TMEM178B: variants seen among roughly 807,000 people sequenced by gnomAD.
The protein encoded by TMEM178B is transmembrane protein 178B.
In TMEM178B, 5 loss-of-function variants were observed where a neutral mutation model predicts 31.0. The observed-to-expected ratio is 0.16, with a 90% CI of 0.08 to 0.34. The LOEUF (loss-of-function observed/expected upper bound fraction) is 0.34, where lower values mean the gene tolerates loss of function less well. Ranked by LOEUF, TMEM178B falls within the 10% of genes least tolerant of loss-of-function variation. The pLI, the probability that TMEM178B is intolerant of heterozygous loss-of-function variation, is 1.00. For synonymous variants in TMEM178B, 164 were observed against 164.0 expected (o/e 1.00, Z 0.00); for missense variants, 275 against 400.3 (o/e 0.69, Z 2.67).
chr7:141,438,200 C>T (rs1037837323), intron 3 of TMEM178B, among the ~76,000 whole-genome samples: 6 of 152,248 alleles, frequency 3.9e-5, no homozygotes, highest in African/African-American at 1.4e-4. Context: ...GATCCTGAAG[C>T]TGCCCCCCTT....
intron 2 of TMEM178B, among the ~76,000 whole-genome samples, chr7:141,261,080 G>A (rs1272768345): frequency 1.3e-5 from 2 of 152,198 alleles, no homozygotes; most frequent in African/African-American, 4.8e-5. Context: ...TCTCAATGCA[G>A]TATATTTCTG....
Position 141,233,780 on chromosome 7 carries a change from C to G in TMEM178B, c.496+21076C>G, listed in dbSNP as rs189169690. 2.0e-5 allele frequency among the ~76,000 whole-genome samples: 3 copies of G among 152,342 alleles called. No homozygotes were observed. The East Asian group carries it at 5.8e-4, about 29-fold the overall frequency. ...GTACTTCTCCCTTTTGCAAAACTGG[C>G]AATGCCAAGTTCGACCTCTTTGACT... On this transcript the variant is annotated intron_variant, in intron 2 of 3. Coordinates refer to ENST00000565468, the MANE Select transcript of TMEM178B (RefSeq NM_001195278.2).
intron 2 of TMEM178B, among the ~76,000 whole-genome samples, chr7:141,409,007 G>A (rs1207679221): frequency 1.3e-5 from 2 of 152,116 alleles, no homozygotes; most frequent in African/African-American, 4.8e-5. Context: ...AAAAGGCCAG[G>A]GGGCAAAACA....
intron 2 of TMEM178B, among the ~76,000 whole-genome samples, chr7:141,259,434 T>C (rs1797980017): frequency 6.6e-6 from 1 of 152,234 alleles, no homozygotes; most frequent in African/African-American, 2.4e-5. Flanking sequence ...AGAACCTGTT[T>C]AGAGTCATTT....
chr7:141,236,099 C>G (rs749896138), intron 2 of TMEM178B, among the ~76,000 whole-genome samples: 2 of 152,212 alleles, frequency 1.3e-5, no homozygotes, highest in Non-Finnish European at 2.9e-5. Context: ...TCCAAATGTT[C>G]TCTGAGATGC....
At chr7:141,376,001 C>T (rs910821327) in intron 2 of TMEM178B, among the ~76,000 whole-genome samples, 8 of 152,168 alleles carry the variant, frequency 5.3e-5, no homozygotes, top group Non-Finnish European at 1.0e-4. Flanking sequence ...TTGTGCCAGT[C>T]CTTTGGGGAC....
At chr7:141,180,430 C>T (rs1243362484) in intron 1 of TMEM178B, among the ~76,000 whole-genome samples, 1 of 138,888 alleles carries the variant, frequency 7.2e-6, no homozygotes, top group East Asian at 2.1e-4. Context: ...ACTGCGATCT[C>T]CAGCCTGAGA....
intron 2 of TMEM178B, among the ~76,000 whole-genome samples, chr7:141,339,258 C>T (rs1799476282): frequency 6.6e-6 from 1 of 152,156 alleles, no homozygotes; most frequent in South Asian, 2.1e-4. Flanking sequence ...GTGATCGTTT[C>T]CACACTGGAC....
At chr7:141,213,624 G>A (rs1012648597) in intron 2 of TMEM178B, among the ~76,000 whole-genome samples, 2 of 152,216 alleles carry the variant, frequency 1.3e-5, no homozygotes, top group African/African-American at 4.8e-5. Context: ...AAACTTTGAA[G>A]ATGGTAGATC....
intron 2 of TMEM178B, among the ~76,000 whole-genome samples, chr7:141,312,015 C>T (rs1228147852): frequency 3.9e-5 from 6 of 152,218 alleles, no homozygotes; most frequent in East Asian, 1.9e-4. Context: ...AAGATGACTT[C>T]TCTACTTTCT....
intron 2 of TMEM178B, among the ~76,000 whole-genome samples, chr7:141,360,331 C>T (rs778270427): frequency 6.6e-6 from 1 of 152,194 alleles, no homozygotes; most frequent in African/African-American, 2.4e-5. Flanking sequence ...CCATTCTGCT[C>T]TCATAGAAAC....
intron 1 of TMEM178B, among the ~76,000 whole-genome samples, chr7:141,158,100 ATTTTTTGTT>A (rs1350070419): frequency 6.6e-6 from 1 of 151,876 alleles, no homozygotes; most frequent in East Asian, 1.9e-4. Context: ...CAGATTGCCA[ATTTTTTGTT>A]TTTTGAGATG....
At chr7:141,451,570 C>A (rs1451908732) in intron 3 of TMEM178B, among the ~76,000 whole-genome samples, 1 of 152,150 alleles carries the variant, frequency 6.6e-6, no homozygotes, top group Non-Finnish European at 1.5e-5. Flanking sequence ...CGGCTGTGAT[C>A]CTCAAACAGC....
chr7:141,380,997 C>T (rs1369221340), intron 2 of TMEM178B, among the ~76,000 whole-genome samples: 4 of 152,168 alleles, frequency 2.6e-5, no homozygotes, highest in East Asian at 1.9e-4. Flanking sequence ...ACTGTCTCCC[C>T]GTACCCACCC....
intron 2 of TMEM178B, among the ~76,000 whole-genome samples, chr7:141,341,650 A>G (rs1381718642): frequency 1.3e-5 from 2 of 152,138 alleles, no homozygotes; most frequent in Non-Finnish European, 1.5e-5. Flanking sequence ...GATGACCACT[A>G]AGGGCTCTGC....
chr7:141,356,295 CTG>C (rs1346643192), intron 2 of TMEM178B, among the ~76,000 whole-genome samples: 1 of 152,080 alleles, frequency 6.6e-6, no homozygotes, highest in Non-Finnish European at 1.5e-5. Flanking sequence ...AATTTCCAAA[CTG>C]CTTTCCACAG....
At chr7:141,105,508 AAAACT>A (rs1795129362) in intron 1 of TMEM178B, among the ~76,000 whole-genome samples, 1 of 152,188 alleles carries the variant, frequency 6.6e-6, no homozygotes, top group Non-Finnish European at 1.5e-5. Context: ...CTCCATCTCA[AAAACT>A]AAACAAAACA....
chr7:141,371,345 C>G (rs1800112529), intron 2 of TMEM178B, among the ~76,000 whole-genome samples: 1 of 152,042 alleles, frequency 6.6e-6, no homozygotes, highest in Admixed American at 6.5e-5. Context: ...CCTCTTTTGT[C>G]AAATGATCTG....
chr7:141,205,083 C>T (rs1796941023), intron 1 of TMEM178B, among the ~76,000 whole-genome samples: 1 of 152,174 alleles, frequency 6.6e-6, no homozygotes, highest in African/African-American at 2.4e-5. Context: ...ACTTTGGCCT[C>T]CCAAAGTCCT....
Sources: allele counts gnomAD v4.1 joint callset (sites outside exome capture counted in the v4.1 genomes callset), GRCh38; gene constraint gnomAD v4.1.1; transcripts MANE v1.5; gene names NCBI Gene and HGNC (gene_info 2026-07-23, HGNC 2026-07-21).